AUTS2: variants seen among roughly 807,000 people sequenced by gnomAD.
AUTS2 encodes the protein activator of transcription and developmental regulator AUTS2.
In AUTS2, 17 loss-of-function variants were observed where a neutral mutation model predicts 112.4. That is an observed-to-expected ratio of 0.15 (90% confidence interval 0.10 to 0.23). AUTS2 has a LOEUF of 0.23. AUTS2 is among the 10% of genes least tolerant of loss of function. The pLI is 1.00. For synonymous variants in AUTS2, 751 were observed against 702.7 expected, an observed-to-expected ratio of 1.07 and a Z score of -1.09; for missense variants, 1,510 against 1,701.6, an observed-to-expected ratio of 0.89 and a Z score of 1.98.
chr7:70,116,257 A>G (rs1467497894), intron 2 of AUTS2, among the ~76,000 whole-genome samples: 1 of 152,238 alleles, frequency 6.6e-6, no homozygotes, highest in East Asian at 1.9e-4. Flanking sequence ...CTTCCCGGAG[A>G]AAGGGATTTT....
intron 1 of AUTS2, among the ~76,000 whole-genome samples, chr7:69,754,358 C>T (rs927085220): frequency 6.6e-6 from 1 of 152,178 alleles, no homozygotes. Context: ...TCAGCTAGAG[C>T]TGACTGTCAA....
intron 4 of AUTS2, among the ~76,000 whole-genome samples, chr7:70,217,752 C>T (rs1295455087): frequency 1.3e-5 from 2 of 152,136 alleles, no homozygotes; most frequent in Non-Finnish European, 2.9e-5. Context: ...AGTTATGATG[C>T]GATTTCCTGA....
At chr7:69,904,565 A>G (rs1795084074) in intron 2 of AUTS2, among the ~76,000 whole-genome samples, 1 of 152,202 alleles carries the variant, frequency 6.6e-6, no homozygotes, top group African/African-American at 2.4e-5. Context: ...GTGCTCTTTC[A>G]TACATACTTT....
intron 5 of AUTS2, among the ~76,000 whole-genome samples, chr7:70,548,382 G>A (rs1401293870): frequency 1.3e-5 from 2 of 151,848 alleles, no homozygotes; most frequent in Non-Finnish European, 2.9e-5. Flanking sequence ...TTTCATATCC[G>A]TAATGCTGAC....
chr7:70,101,288 A>G (rs1474620511), intron 2 of AUTS2, among the ~76,000 whole-genome samples: 1 of 152,004 alleles, frequency 6.6e-6, no homozygotes, highest in East Asian at 1.9e-4. Flanking sequence ...TCTTATGCTA[A>G]TTGATGTTTT....
At chr7:70,336,944 A>T (rs1178900071) in intron 4 of AUTS2, among the ~76,000 whole-genome samples, 1 of 151,996 alleles carries the variant, frequency 6.6e-6, no homozygotes, top group Non-Finnish European at 1.5e-5. Context: ...TTTGTTTTTT[A>T]GTTTGTAGTT....
chr7:70,384,124 G>A (rs189024263), intron 4 of AUTS2, among the ~76,000 whole-genome samples: 1 of 152,174 alleles, frequency 6.6e-6, no homozygotes, highest in Non-Finnish European at 1.5e-5. Context: ...CCTCCCCACC[G>A]CCCCTCCTGC....
chr7:70,169,927 T>A (rs1808581140), intron 4 of AUTS2, among the ~76,000 whole-genome samples: 1 of 152,146 alleles, frequency 6.6e-6, no homozygotes, highest in Non-Finnish European at 1.5e-5. Context: ...CAAAACTTTA[T>A]TTGCTGCTTA....
At chr7:69,920,877 C>T (rs570615005) in intron 2 of AUTS2, among the ~76,000 whole-genome samples, 1 of 152,252 alleles carries the variant, frequency 6.6e-6, no homozygotes, top group Non-Finnish European at 1.5e-5. Flanking sequence ...AGGGCTTCAC[C>T]TCTGGGTTAA....
At chr7:69,642,004 T>C (rs1011736375) in intron 1 of AUTS2, among the ~76,000 whole-genome samples, 1 of 152,208 alleles carries the variant, frequency 6.6e-6, no homozygotes, top group Admixed American at 6.5e-5. Flanking sequence ...CTCAGTTTTG[T>C]AGTTAATTTT....
intron 4 of AUTS2, among the ~76,000 whole-genome samples, chr7:70,296,163 G>C (rs1407338536): frequency 1.3e-5 from 2 of 152,122 alleles, no homozygotes; most frequent in Non-Finnish European, 2.9e-5. Context: ...TTCTCTTTAG[G>C]CCTTTGGTAT....
At chr7:70,187,495 A>G (rs961032396) in intron 4 of AUTS2, among the ~76,000 whole-genome samples, 6 of 152,208 alleles carry the variant, frequency 3.9e-5, no homozygotes, top group African/African-American at 1.2e-4. Context: ...TTATGCTTAA[A>G]TATTTATTTG....
intron 4 of AUTS2, among the ~76,000 whole-genome samples, chr7:70,370,296 C>T (rs1415454031): frequency 6.6e-6 from 1 of 151,968 alleles, no homozygotes; most frequent in Non-Finnish European, 1.5e-5. Context: ...AAAAAGAAAC[C>T]CTGCACTCCC....
chr7:70,156,331 C>T (rs1163173562), intron 4 of AUTS2, among the ~76,000 whole-genome samples: 1 of 152,164 alleles, frequency 6.6e-6, no homozygotes, highest in African/African-American at 2.4e-5. Flanking sequence ...CCAGAATGCC[C>T]TGTTTTGGGG....
chr7:70,721,833 GCTCT>G (rs1786698563), intron 6 of AUTS2, among the ~76,000 whole-genome samples: 1 of 152,074 alleles, frequency 6.6e-6, no homozygotes, highest in Admixed American at 6.6e-5. Flanking sequence ...ATTTGCTTTA[GCTCT>G]CTTTTTTTTA....
intron 2 of AUTS2, among the ~76,000 whole-genome samples, chr7:70,020,207 G>A (rs932690075): frequency 1.3e-5 from 2 of 152,084 alleles, no homozygotes; most frequent in African/African-American, 2.4e-5. Context: ...TTGACACCAA[G>A]CATTATTTTA....
chr7:70,581,018 G>T (rs1802408933), intron 5 of AUTS2, among the ~76,000 whole-genome samples: 1 of 152,160 alleles, frequency 6.6e-6, no homozygotes, highest in South Asian at 2.1e-4. Flanking sequence ...GCCAAGACAG[G>T]AGGATCACTT....
At chr7:69,737,487 A>G (rs1430817387) in intron 1 of AUTS2, among the ~76,000 whole-genome samples, 1 of 152,014 alleles carries the variant, frequency 6.6e-6, no homozygotes, top group Non-Finnish European at 1.5e-5. Context: ...TTGGGCTAGC[A>G]TTTTTGCCTA....
chr7:69,767,499 T>C (rs926536477), intron 1 of AUTS2, among the ~76,000 whole-genome samples: 1 of 152,166 alleles, frequency 6.6e-6, no homozygotes, highest in Non-Finnish European at 1.5e-5. Flanking sequence ...AATTAGAAAG[T>C]GTAGTGTGAA....
Sources: allele counts gnomAD v4.1 joint callset (sites outside exome capture counted in the v4.1 genomes callset), GRCh38; gene constraint gnomAD v4.1.1; transcripts MANE v1.5; gene names NCBI Gene and HGNC (gene_info 2026-07-23, HGNC 2026-07-21).